Variants in PSD3 observed in about 807,000 individuals in gnomAD.
The protein encoded by PSD3 is PH and SEC7 domain-containing protein 3.
Under a neutral mutation model 105.5 loss-of-function variants are expected in PSD3, and 49 were observed. The ratio of observed to expected loss-of-function variants is 0.46; its 90% CI spans 0.37 to 0.59. The LOEUF (loss-of-function observed/expected upper bound fraction) is 0.59, where lower values mean the gene tolerates loss of function less well. Ranked by LOEUF, PSD3 falls within the 20% of genes least tolerant of loss-of-function variation. The pLI, the probability that PSD3 is intolerant of heterozygous loss-of-function variation, is 0.00. For synonymous variants in PSD3, 557 were observed against 457.8 expected (o/e 1.22, Z -2.77); for missense variants, 1,561 against 1,263.8 (o/e 1.24, Z -3.57).
chr8:18,981,444 A>C (rs1031914475), intron 1 of PSD3, among the ~76,000 whole-genome samples: 2 of 152,194 alleles, frequency 1.3e-5, no homozygotes, highest in African/African-American at 4.8e-5. Context: ...AAGGTACTCA[A>C]CATCCCTGTG....
At chr8:18,643,615 A>G (rs1807812604) in intron 10 of PSD3, among the ~76,000 whole-genome samples, 1 of 152,188 alleles carries the variant, frequency 6.6e-6, no homozygotes, top group African/African-American at 2.4e-5. Flanking sequence ...AGAATGAACA[A>G]AACCCAACTC....
chr8:18,583,949 G>A (rs1802987850), intron 12 of PSD3, among the ~76,000 whole-genome samples: 1 of 152,004 alleles, frequency 6.6e-6, no homozygotes, highest in Admixed American at 6.6e-5. Flanking sequence ...GTAAATTTAT[G>A]GCCCTCTGTA....
At chr8:19,027,212 G>A (rs1435076352) in intron 1 of PSD3, among the ~76,000 whole-genome samples, 2 of 151,690 alleles carry the variant, frequency 1.3e-5, no homozygotes, top group African/African-American at 2.4e-5. Context: ...AGGTCTCCAA[G>A]GGAAAAAAAC....
intron 9 of PSD3, among the ~76,000 whole-genome samples, chr8:18,726,754 C>A (rs1803359612): frequency 6.6e-6 from 1 of 152,186 alleles, no homozygotes; most frequent in East Asian, 1.9e-4. Flanking sequence ...TGCAAAATAC[C>A]TTCATTCCAA....
At chr8:18,706,261 T>C (rs1050036887) in intron 9 of PSD3, among the ~76,000 whole-genome samples, 1 of 152,248 alleles carries the variant, frequency 6.6e-6, no homozygotes, top group African/African-American at 2.4e-5. Context: ...TAGGGTTCTT[T>C]GTTACTCAGA....
rs1211956519 is a variant in PSD3, at chr8:18,872,397, A to G, written c.467T>C (p.Leu156Pro). The stretch of plus-strand genomic sequence containing the variant: ...AAAACTAGAAACAGCATCTTGGTCC[A>G]GTACCTTTGTAGCCTGTAATGTTCC... ...ISGTLQATKVLDQDAVSSFSV... is the reference protein window; with the variant it reads ...ISGTLQATKVPDQDAVSSFSV... The change falls in exon 3 of 16, where the codon CTG becomes CCG. Residue 156 changes from leucine (L) to proline (P), a missense_variant. Physicochemically the swap from Leu to Pro is moderately conservative, Grantham distance 98. Coordinates refer to ENST00000327040, the MANE Select transcript of PSD3 (RefSeq NM_015310.4). 13 of 1,614,220 alleles carry G rather than the reference A, an allele frequency of 8.1e-6. No individual in the cohort carries two copies. The highest frequency in any genetic ancestry group is 1.1e-5 in the Non-Finnish European group (13 of 1,180,040).
At chr8:18,861,053 AT>A in intron 4 of PSD3, among the ~76,000 whole-genome samples, 1 of 152,204 alleles carries the variant, frequency 6.6e-6, no homozygotes, top group Admixed American at 6.5e-5. Flanking sequence ...AGGAATAGCT[AT>A]TTGAAATCCA....
intron 12 of PSD3, among the ~76,000 whole-genome samples, chr8:18,576,121 A>T (rs544247542): frequency 1.3e-5 from 2 of 152,224 alleles, no homozygotes; most frequent in South Asian, 4.1e-4. Context: ...ATTTTCACAA[A>T]AACAATGCCA....
intron 12 of PSD3, among the ~76,000 whole-genome samples, chr8:18,598,410 T>TAAAAA (rs1211306767): frequency 7.1e-4 from 1 of 1,406 alleles, no homozygotes; most frequent in Non-Finnish European, 2.0e-3. Flanking sequence ...TAGAGTATAA[T>TAAAAA]AAAAAAAAAA....
intron 12 of PSD3, among the ~76,000 whole-genome samples, chr8:18,575,758 C>T (rs1802427251): frequency 6.6e-6 from 1 of 152,068 alleles, no homozygotes; most frequent in Non-Finnish European, 1.5e-5. Flanking sequence ...ATTACATGTT[C>T]CTGTTACTTT....
At chr8:19,001,336 T>C (rs1376417967) in intron 1 of PSD3, among the ~76,000 whole-genome samples, 1 of 151,736 alleles carries the variant, frequency 6.6e-6, no homozygotes, top group Non-Finnish European at 1.5e-5. Flanking sequence ...AGAGTAGTTC[T>C]AGGTTCACAG....
chr8:18,872,637 GA>G lies in PSD3; in HGVS notation c.226del (p.Ser76LeufsTer59). 6.2e-7 allele frequency: 1 copy of G among 1,613,894 alleles called. No homozygotes were observed. The highest frequency in any genetic ancestry group is 8.5e-7 in the Non-Finnish European group (1 of 1,179,954). On this transcript the variant is annotated frameshift_variant, in exon 3 of 16. Coordinates refer to ENST00000327040, the MANE Select transcript of PSD3 (RefSeq NM_015310.4). LOFTEE classifies it high-confidence loss of function. The part of the protein sequence containing the change: ...MEEGGEGLRA[S>X]LEFDGEALPC... ...CAGAGCCTCACCATCAAATTCCAGAGAAGCCCTTAGGCCTTCTCCACCTTCC... is the reference window on the plus strand; with the variant it reads ...CAGAGCCTCACCATCAAATTCCAGAGAGCCCTTAGGCCTTCTCCACCTTCC...
intron 10 of PSD3, among the ~76,000 whole-genome samples, chr8:18,636,234 T>C (rs1484981200): frequency 1.3e-5 from 2 of 152,140 alleles, no homozygotes; most frequent in Non-Finnish European, 2.9e-5. Flanking sequence ...TTTAAACTCT[T>C]AGGCTATAAA....
chr8:19,031,554 C>T (rs1178100497), intron 1 of PSD3, among the ~76,000 whole-genome samples: 2 of 115,114 alleles, frequency 1.7e-5, no homozygotes, highest in Non-Finnish European at 4.1e-5. Context: ...AAGTCAAGAA[C>T]AATCTGAAAA....
chr8:18,777,938 G>A (rs1475695260), intron 8 of PSD3, among the ~76,000 whole-genome samples: 1 of 152,094 alleles, frequency 6.6e-6, no homozygotes, highest in East Asian at 1.9e-4. Flanking sequence ...TCAATATAAT[G>A]AAATGTAATT....
intron 1 of PSD3, among the ~76,000 whole-genome samples, chr8:19,008,273 A>G (rs1826791003): frequency 6.6e-6 from 1 of 152,252 alleles, no homozygotes; most frequent in African/African-American, 2.4e-5. Flanking sequence ...CTATTCAAAC[A>G]AAGTTTCAGA....
intron 2 of PSD3, chr8:18,924,857 A>G (rs1158863821): frequency 6.6e-6 from 1 of 152,248 alleles, no homozygotes; most frequent in East Asian, 1.9e-4. Flanking sequence ...ACATAAAGGT[A>G]AGAGTTACAA....
intron 1 of PSD3, among the ~76,000 whole-genome samples, chr8:18,997,639 G>A (rs1179676954): frequency 1.3e-5 from 2 of 152,032 alleles, no homozygotes; most frequent in Non-Finnish European, 2.9e-5. Context: ...AGGCCCCACA[G>A]GACCTGGCGA....
chr8:18,939,752 T>C (rs1315572860), intron 1 of PSD3, among the ~76,000 whole-genome samples: 1 of 152,246 alleles, frequency 6.6e-6, no homozygotes, highest in Non-Finnish European at 1.5e-5. Flanking sequence ...TTTATCAGAC[T>C]ATCAAGAGGA....
Sources: gnomAD v4.1 joint callset for allele counts (sites outside exome capture counted in the v4.1 genomes callset) on GRCh38, gnomAD v4.1.1 for gene constraint, MANE v1.5 for transcripts, NCBI Gene and HGNC (gene_info 2026-07-23, HGNC 2026-07-21) for gene names.